HSD17B12: variants seen among roughly 807,000 people sequenced by gnomAD.
HSD17B12 encodes very-long-chain 3-oxoacyl-CoA reductase.
In HSD17B12, 32 loss-of-function variants were observed where a neutral mutation model predicts 39.3. That is an observed-to-expected ratio of 0.81 (90% CI 0.61 to 1.09). The LOEUF (loss-of-function observed/expected upper bound fraction) is 1.09. HSD17B12 is among the 50% of genes least tolerant of loss of function. HSD17B12 has a pLI of 0.00. For missense variants in HSD17B12, 342 were observed against 382.9 expected (o/e 0.89, Z 0.89); for synonymous variants, 150 against 146.7 (o/e 1.02, Z -0.16).
intron 3 of HSD17B12, among the ~76,000 whole-genome samples, chr11:43,782,238 T>G (rs1950772908): frequency 6.6e-6 from 1 of 152,204 alleles, no homozygotes. Context: ...ATTAGAGCAT[T>G]TAATCAGCCT....
At chr11:43,573,546 A>G in the HSD17B12 span, among the ~76,000 whole-genome samples, 3 of 152,132 alleles carry the variant, frequency 2.0e-5, no homozygotes, top group African/African-American at 7.2e-5. Flanking sequence ...TCTGATGTGC[A>G]TTTCTTCCAT....
At chr11:43,680,516 A>C, upstream of HSD17B12, 2 of 407,166 alleles carry the variant, frequency 4.9e-6, no homozygotes, top group East Asian at 5.8e-5. Context: ...GCTGCAGCCA[A>C]TGAGAGACCG....
the HSD17B12 span, among the ~76,000 whole-genome samples, chr11:43,571,521 G>C: frequency 6.6e-6 from 1 of 152,194 alleles, no homozygotes; most frequent in Non-Finnish European, 1.5e-5. Flanking sequence ...CAAGGCATGG[G>C]AAAACCTATC....
At chr11:43,665,135 G>A in the HSD17B12 span, among the ~76,000 whole-genome samples, 135,429 of 152,232 alleles carry the variant, frequency 0.89, 61,458 homozygotes, top group Non-Finnish European at 0.98. Flanking sequence ...TGAAAGAGAA[G>A]TGTCTGACAC....
At chr11:43,754,437 A>G (rs1403251843) in intron 3 of HSD17B12, among the ~76,000 whole-genome samples, 1 of 151,964 alleles carries the variant, frequency 6.6e-6, no homozygotes, top group Non-Finnish European at 1.5e-5. Context: ...TTAGCCGGGT[A>G]TGGTGGCGGG....
chr11:43,734,287 C>A, intron 1 of HSD17B12: 1 of 1,244,144 alleles, frequency 8.0e-7, no homozygotes, highest in Non-Finnish European at 1.2e-6. Context: ...GGAAGGAGTT[C>A]ACAGAAGCCG....
At chr11:43,587,086 C>A in the HSD17B12 span, among the ~76,000 whole-genome samples, 1 of 152,208 alleles carries the variant, frequency 6.6e-6, no homozygotes, top group African/African-American at 2.4e-5. Flanking sequence ...CAACTACTCA[C>A]ATTTATGAAC....
chr11:43,601,883 T>TG, the HSD17B12 span, among the ~76,000 whole-genome samples: 1 of 152,228 alleles, frequency 6.6e-6, no homozygotes, highest in Non-Finnish European at 1.5e-5. Context: ...TGGCTTGACT[T>TG]ATCACCAGAG....
the HSD17B12 span, among the ~76,000 whole-genome samples, chr11:43,631,652 T>C: frequency 6.6e-6 from 1 of 152,046 alleles, no homozygotes. Context: ...TCTCTCTCTC[T>C]CTCTCCCTCT....
intron 4 of HSD17B12, among the ~76,000 whole-genome samples, chr11:43,813,632 G>T (rs1174112177): frequency 6.6e-6 from 1 of 152,134 alleles, no homozygotes; most frequent in Non-Finnish European, 1.5e-5. Flanking sequence ...TCTGTAGGTG[G>T]TTAAAGCAAA....
In HSD17B12 at chr11:43,798,398, G is replaced by A. The variant is rs569663277; in HGVS notation, c.362G>A (p.Gly121Asp). ...GATATTTATGATAAAATTAAAACAG[G>A]CTTGGCTGGTCTTGAAATCGGCATC... is the stretch of plus-strand genomic sequence containing the variant. ...SEDIYDKIKT[G>D]LAGLEIGILV... is the part of the protein sequence containing the mutation. Residue 121 changes from glycine to aspartate, a missense_variant, in exon 4 of 11, where the codon GGC (glycine) becomes GAC (aspartate). Physicochemically the swap from Gly to Asp is moderately conservative, Grantham distance 94. Coordinates refer to ENST00000278353, the MANE Select transcript of HSD17B12 (RefSeq NM_016142.3). 128 of 1,611,370 alleles carry A rather than the reference G, an allele frequency of 7.9e-5. 2 individuals carry two copies. In the South Asian group the frequency reaches 1.3e-3, roughly 16 times the overall value.
At chr11:43,680,530 C>T (rs564151603), upstream of HSD17B12, 304 of 435,218 alleles carry the variant, frequency 7.0e-4, 2 homozygotes, top group Non-Finnish European at 1.0e-3. Flanking sequence ...GAGACCGGGG[C>T]GCCTCGGTGG....
At chr11:43,619,390 T>C in the HSD17B12 span, among the ~76,000 whole-genome samples, 1 of 118,618 alleles carries the variant, frequency 8.4e-6, no homozygotes, top group African/African-American at 2.7e-5. Context: ...TTTCTTTTTC[T>C]TTTCTTTTTT....
At chr11:43,765,881 C>T (rs1042610364) in intron 3 of HSD17B12, among the ~76,000 whole-genome samples, 20 of 152,212 alleles carry the variant, frequency 1.3e-4, no homozygotes, top group African/African-American at 2.6e-4. Context: ...TTGCCCAGGA[C>T]GGACTGCAGT....
At chr11:43,625,269 A>G in the HSD17B12 span, among the ~76,000 whole-genome samples, 1 of 151,642 alleles carries the variant, frequency 6.6e-6, no homozygotes, top group African/African-American at 2.4e-5. Context: ...GAAACTCTTC[A>G]AGATGGCATA....
chr11:43,800,933 G>A (rs1417624110), intron 4 of HSD17B12, among the ~76,000 whole-genome samples: 1 of 152,130 alleles, frequency 6.6e-6, no homozygotes, highest in Non-Finnish European at 1.5e-5. Flanking sequence ...GAGGTCAGGA[G>A]TTTGAGACCA....
chr11:43,784,378 G>A (rs1950796659), intron 3 of HSD17B12, among the ~76,000 whole-genome samples: 1 of 143,572 alleles, frequency 7.0e-6, no homozygotes, highest in African/African-American at 2.6e-5. Context: ...GTGACACCAG[G>A]CCATCTGGCT....
chr11:43,720,416 T>G (rs1482866880), intron 1 of HSD17B12, among the ~76,000 whole-genome samples: 1 of 152,250 alleles, frequency 6.6e-6, no homozygotes, highest in Non-Finnish European at 1.5e-5. Context: ...GACAACAGTC[T>G]TGCCAAACAT....
At chr11:43,623,125 A>C in the HSD17B12 span, among the ~76,000 whole-genome samples, 1 of 152,178 alleles carries the variant, frequency 6.6e-6, no homozygotes, top group African/African-American at 2.4e-5. Flanking sequence ...TTGGTTAACA[A>C]AATTCAAATG....
Sources: allele counts gnomAD v4.1 joint callset (sites outside exome capture counted in the v4.1 genomes callset), GRCh38; gene constraint gnomAD v4.1.1; transcripts MANE v1.5; gene names NCBI Gene and HGNC (gene_info 2026-07-23, HGNC 2026-07-21).